WWC2: variants seen among roughly 807,000 people sequenced by gnomAD.
WWC2 encodes the protein protein WWC2.
In WWC2, 101 loss-of-function variants were observed where a neutral mutation model predicts 138.5. The ratio of observed to expected loss-of-function variants is 0.73; its 90% CI spans 0.62 to 0.86. The LOEUF is 0.86. Ranked by LOEUF, WWC2 falls within the 40% of genes least tolerant of loss-of-function variation. The pLI is 0.00. For missense variants in WWC2, 1,420 were observed against 1,419.4 expected (o/e 1.00, Z -0.01); for synonymous variants, 558 against 538.4 (o/e 1.04, Z -0.50).
At chr4:183,143,518 C>G (rs920865369) in intron 1 of WWC2, among the ~76,000 whole-genome samples, 4 of 152,104 alleles carry the variant, frequency 2.6e-5, no homozygotes, top group African/African-American at 7.2e-5. Flanking sequence ...AATATACAAA[C>G]ATTTTTTGGC....
chr4:183,122,153 A>G (rs1214234944), intron 1 of WWC2, among the ~76,000 whole-genome samples: 1 of 152,116 alleles, frequency 6.6e-6, no homozygotes, highest in Admixed American at 6.6e-5. Context: ...GAAAGTTGCT[A>G]TTTTATTACT....
intron 4 of WWC2, among the ~76,000 whole-genome samples, chr4:183,218,583 A>C (rs1331114813): frequency 2.0e-5 from 3 of 152,224 alleles, no homozygotes. Flanking sequence ...TGGCGAGTCC[A>C]GATTTGCGGC....
intron 4 of WWC2, among the ~76,000 whole-genome samples, chr4:183,221,720 C>G (rs1051142623): frequency 6.6e-6 from 1 of 152,136 alleles, no homozygotes; most frequent in Non-Finnish European, 1.5e-5. Flanking sequence ...GGAAAATACA[C>G]TGTATAAACA....
At chr4:183,296,081 C>T (rs1234347165) in intron 21 of WWC2, among the ~76,000 whole-genome samples, 3 of 152,206 alleles carry the variant, frequency 2.0e-5, no homozygotes, top group South Asian at 4.1e-4. Context: ...ACATACCTGA[C>T]GGGTGCCGTC....
intron 8 of WWC2, among the ~76,000 whole-genome samples, chr4:183,252,640 G>T (rs1737014969): frequency 6.6e-6 from 1 of 152,302 alleles, no homozygotes; most frequent in Admixed American, 6.5e-5. Flanking sequence ...CATGCCAGCT[G>T]CCTGTACTAG....
chr4:183,198,059 C>G (rs1433567920), intron 2 of WWC2, among the ~76,000 whole-genome samples: 1 of 152,128 alleles, frequency 6.6e-6, no homozygotes. Flanking sequence ...GTCCCAACTA[C>G]TTGGGAGGCA....
intron 1 of WWC2, among the ~76,000 whole-genome samples, chr4:183,119,021 A>G (rs914420937): frequency 2.0e-5 from 3 of 151,430 alleles, no homozygotes; most frequent in African/African-American, 7.3e-5. Flanking sequence ...ATTGCTTTCT[A>G]CCGTACTCCA....
intron 2 of WWC2, among the ~76,000 whole-genome samples, chr4:183,201,270 AGTTT>A (rs66497887): frequency 0.96 from 145,749 of 151,908 alleles, 70,211 homozygotes; most frequent in Non-Finnish European, 1. Context: ...TCTAGCATAC[AGTTT>A]GTTTGTTTTT....
chr4:183,279,977 T>C (rs950694901), intron 16 of WWC2, among the ~76,000 whole-genome samples: 3 of 152,156 alleles, frequency 2.0e-5, no homozygotes, highest in Admixed American at 2.0e-4. Flanking sequence ...GTATGGATCA[T>C]CTGTGGGTTT....
chr4:183,242,013 TTC>T (rs1157963877), intron 5 of WWC2, among the ~76,000 whole-genome samples: 1 of 152,326 alleles, frequency 6.6e-6, no homozygotes, highest in African/African-American at 2.4e-5. Context: ...GTCAATAACA[TTC>T]CACAAGAAAA....
chr4:183,208,939 T>A lies in WWC2; in HGVS notation c.446-10T>A. On this transcript the variant is annotated splice_polypyrimidine_tract_variant and intron_variant, in intron 3 of 22. Transcript: ENST00000403733. ...GTAAATAATTAGTTTTTCTTTTTTC[T>A]CTATAAAAGTATTCTCAGGATCTTC... 1 of 1,522,896 alleles carries A rather than the reference T, an allele frequency of 6.6e-7. No homozygotes were observed. Among genetic ancestry groups the A allele is most frequent in the Non-Finnish European group, 8.9e-7 (1 of 1,123,710 alleles). 94.3% of individuals were successfully genotyped at this position (1,522,896 alleles called of 1,614,324 possible). A position where few individuals can be genotyped will look rare whatever the true frequency, so the allele number is the denominator to read the frequency against.
rs114428344 is a variant in WWC2, at chr4:183,313,918, C to T, written c.3512+1450C>T. 8.9e-3 allele frequency among the ~76,000 whole-genome samples: 1,338 copies of T among 150,776 alleles called. 17 individuals are homozygous for T. Among genetic ancestry groups the T allele is most frequent in the African/African-American group, 0.031 (1,268 of 40,950 alleles). ...TCAGCAAAAAGGTTTGTTCCTATTG[C>T]GTTTTTATTTGGTTTTGGTTGAGGT... On this transcript the variant is annotated intron_variant, in intron 22 of 22. Transcript: ENST00000403733.
Position 183,193,603 on chromosome 4 carries a change from A to G in WWC2, c.136A>G (p.Thr46Ala). ...GTCAATTCTGGTTTGTTGTAGGTTAACGAAGCCCTTGTCATTTGCTGATTG... is the reference window on the plus strand; with the variant it reads ...GTCAATTCTGGTTTGTTGTAGGTTAGCGAAGCCCTTGTCATTTGCTGATTG... Reference protein sequence around the residue: ...TSWIDPRDRLTKPLSFADCVG... With the variant: ...TSWIDPRDRLAKPLSFADCVG... The change falls in exon 2 of 23, where the codon ACG becomes GCG. Residue 46 changes from threonine to alanine, a missense_variant. By Grantham distance (58) the Thr-to-Ala change is moderately conservative. Coordinates refer to ENST00000403733, the MANE Select transcript of WWC2 (RefSeq NM_024949.6). The G allele has an allele frequency of 6.2e-7, 1 of 1,613,786 alleles. No individual in the cohort carries two copies. The highest frequency in any genetic ancestry group is 8.5e-7 in the Non-Finnish European group (1 of 1,179,852).
intron 4 of WWC2, among the ~76,000 whole-genome samples, chr4:183,238,620 G>C (rs1290329183): frequency 6.6e-6 from 1 of 152,000 alleles, no homozygotes; most frequent in Non-Finnish European, 1.5e-5. Flanking sequence ...TCACCCCGCT[G>C]TCCCTTTAGG....
intron 1 of WWC2, among the ~76,000 whole-genome samples, chr4:183,113,515 T>TGTGCGCGCGC (rs371819502): frequency 1.6e-5 from 2 of 126,644 alleles, no homozygotes; most frequent in African/African-American, 6.0e-5. Flanking sequence ...TGTGTGTGTG[T>TGTGCGCGCGC]GCGCGCGCGT....
intron 5 of WWC2, among the ~76,000 whole-genome samples, chr4:183,242,216 A>T (rs989004937): frequency 6.6e-6 from 1 of 152,210 alleles, no homozygotes. Flanking sequence ...CAACAATCAA[A>T]CCCAGCAGCC....
At chr4:183,252,472 T>C (rs1398562664) in intron 8 of WWC2, among the ~76,000 whole-genome samples, 4 of 152,190 alleles carry the variant, frequency 2.6e-5, no homozygotes, top group Non-Finnish European at 5.9e-5. Context: ...TCGGGGGTAA[T>C]GTTAACTCTA....
intron 1 of WWC2, among the ~76,000 whole-genome samples, chr4:183,105,830 C>T (rs1367344404): frequency 6.7e-6 from 1 of 150,186 alleles, no homozygotes; most frequent in African/African-American, 2.5e-5. Flanking sequence ...GCGGAGCTTG[C>T]AGTGAGCAGA....
rs534675431 is a variant in WWC2, at chr4:183,291,658, A to C, written c.3384+2023A>C. Among the ~76,000 whole-genome samples, 129 of 152,336 alleles carry C rather than the reference A, an allele frequency of 8.5e-4. 1 individual carries two copies. Among genetic ancestry groups the C allele is most frequent in the Admixed American group, 2.5e-3 (38 of 15,304 alleles). ...TTCATTTCTAGTGTGTCATGATATG[A>C]AATTCTAAATTTCTAGATATCAATA... On this transcript the variant is annotated intron_variant, in intron 21 of 22. Coordinates refer to ENST00000403733, the MANE Select transcript of WWC2 (RefSeq NM_024949.6).
Sources: gnomAD v4.1 joint callset for allele counts (sites outside exome capture counted in the v4.1 genomes callset) on GRCh38, gnomAD v4.1.1 for gene constraint, MANE v1.5 for transcripts, NCBI Gene and HGNC (gene_info 2026-07-23, HGNC 2026-07-21) for gene names.